DIAPH3: variants seen among roughly 807,000 people sequenced by gnomAD.
DIAPH3 encodes protein diaphanous homolog 3.
A neutral mutation model predicts 144.3 loss-of-function variants in DIAPH3; 117 were observed. That is an observed-to-expected ratio of 0.81 (90% CI 0.70 to 0.95). The LOEUF (loss-of-function observed/expected upper bound fraction) is 0.95, where lower values mean the gene tolerates loss of function less well. DIAPH3 is among the 40% of genes least tolerant of loss of function. The pLI, the probability that DIAPH3 is intolerant of heterozygous loss-of-function variation, is 0.00. For synonymous variants in DIAPH3, 519 were observed against 488.9 expected, an observed-to-expected ratio of 1.06 and a Z score of -0.81; for missense variants, 1,421 against 1,412.7, an observed-to-expected ratio of 1.01 and a Z score of -0.09.
At chr13:59,852,245 G>A (rs1035098673) in intron 22 of DIAPH3, among the ~76,000 whole-genome samples, 2 of 152,082 alleles carry the variant, frequency 1.3e-5, no homozygotes, top group East Asian at 3.9e-4. Context: ...GAGAAAGGAC[G>A]ATTACCCAAT....
chr13:59,757,388 C>A (rs2037334147), intron 27 of DIAPH3, among the ~76,000 whole-genome samples: 2 of 140,206 alleles, frequency 1.4e-5, no homozygotes, highest in Non-Finnish European at 1.5e-5. Context: ...TATTATGGGT[C>A]ATCCTTTTTT....
chr13:59,926,115 A>G (rs993048879), intron 17 of DIAPH3, among the ~76,000 whole-genome samples: 11 of 151,598 alleles, frequency 7.3e-5, no homozygotes, highest in African/African-American at 2.4e-4. Flanking sequence ...CCTCCCGTGT[A>G]ACTGGGACTA....
At chr13:60,010,807 C>G in intron 7 of DIAPH3, 138 bp from the exon 8 acceptor site, 2 of 874,132 alleles carry the variant, frequency 2.3e-6, no homozygotes, top group Non-Finnish European at 3.4e-6. Context: ...GACTGTGTAA[C>G]ACTCTAAAAA....
At chr13:59,780,165 G>T (rs1466125921) in intron 25 of DIAPH3, among the ~76,000 whole-genome samples, 1 of 151,726 alleles carries the variant, frequency 6.6e-6, no homozygotes, top group Non-Finnish European at 1.5e-5. Flanking sequence ...AGATACCTAG[G>T]CCCCAAAGGT....
intron 27 of DIAPH3, among the ~76,000 whole-genome samples, chr13:59,745,050 C>T (rs2036635529): frequency 6.6e-6 from 1 of 152,132 alleles, no homozygotes; most frequent in Non-Finnish European, 1.5e-5. Context: ...AAGAAGGTTT[C>T]TTGCTATAGT....
chr13:59,712,022 C>T (rs2034773830), intron 27 of DIAPH3, among the ~76,000 whole-genome samples: 1 of 152,068 alleles, frequency 6.6e-6, no homozygotes, highest in South Asian at 2.1e-4. Context: ...GACAATAAAA[C>T]ACAAAGAGAA....
intron 1 of DIAPH3, among the ~76,000 whole-genome samples, chr13:60,146,225 G>A (rs1488043559): frequency 6.6e-6 from 1 of 152,146 alleles, no homozygotes; most frequent in Non-Finnish European, 1.5e-5. Flanking sequence ...TAACCAAACA[G>A]GATATAGTTA....
chr13:59,985,556 T>C (rs2051343727), intron 12 of DIAPH3, among the ~76,000 whole-genome samples: 1 of 65,756 alleles, frequency 1.5e-5, no homozygotes, highest in Non-Finnish European at 3.1e-5. Flanking sequence ...GACGACATGA[T>C]TGTTTATCTA....
At chr13:60,147,488 G>C (rs141701666) in intron 1 of DIAPH3, 2 of 152,290 alleles carry the variant, frequency 1.3e-5, no homozygotes, top group Non-Finnish European at 2.9e-5. Flanking sequence ...AGTACAGTGA[G>C]ATTAGTGCTA....
Position 60,093,747 on chromosome 13 carries a change from T to C in DIAPH3, c.391-15A>G. Reference sequence around the variant, plus strand: ...TTCATATCTTCCTGGAAAACACAATTAAAATGCCTCATTTTAGAATCTAAG... The same window carrying C: ...TTCATATCTTCCTGGAAAACACAATCAAAATGCCTCATTTTAGAATCTAAG... On this transcript the variant is annotated splice_polypyrimidine_tract_variant and intron_variant, in intron 3 of 27. Transcript: ENST00000400324. The C allele has an allele frequency of 6.5e-7, 1 of 1,539,936 alleles. No homozygotes were observed. Among genetic ancestry groups the C allele is most frequent in the South Asian group, 1.1e-5 (1 of 89,462 alleles).
At chr13:59,669,478 C>T (rs1217592150) in intron 27 of DIAPH3, among the ~76,000 whole-genome samples, 1 of 152,196 alleles carries the variant, frequency 6.6e-6, no homozygotes, top group Non-Finnish European at 1.5e-5. Flanking sequence ...CACCTATTAT[C>T]TGCCTACTGC....
At chr13:59,748,971 T>C (rs2036841363) in intron 27 of DIAPH3, among the ~76,000 whole-genome samples, 1 of 151,962 alleles carries the variant, frequency 6.6e-6, no homozygotes, top group Non-Finnish European at 1.5e-5. Context: ...CCCAGCACTT[T>C]AGGAGGCCGA....
intron 3 of DIAPH3, 151 bp downstream of exon 3, chr13:60,111,859 C>G (rs2058578012): frequency 1.3e-6 from 1 of 767,524 alleles, no homozygotes; most frequent in Non-Finnish European, 2.1e-6. Context: ...TTTTTGTAAT[C>G]CAAAAACTCT....
At chr13:60,048,908 A>T (rs930307152) in intron 4 of DIAPH3, among the ~76,000 whole-genome samples, 62 of 151,696 alleles carry the variant, frequency 4.1e-4, no homozygotes, top group African/African-American at 1.4e-3. Context: ...TTTAAGTTAA[A>T]TATACATTGC....
chr13:59,964,240 G>A (rs2049927099), intron 17 of DIAPH3, among the ~76,000 whole-genome samples: 1 of 152,008 alleles, frequency 6.6e-6, no homozygotes, highest in Non-Finnish European at 1.5e-5. Context: ...ATATGGAAAA[G>A]CAACAGTATC....
intron 22 of DIAPH3, among the ~76,000 whole-genome samples, chr13:59,855,579 TG>T (rs2043210228): frequency 6.6e-6 from 1 of 151,984 alleles, no homozygotes; most frequent in Admixed American, 6.6e-5. Flanking sequence ...ACTTACTAGA[TG>T]ACTGCAGATA....
chr13:59,678,976 C>T (rs1416188575), intron 27 of DIAPH3, among the ~76,000 whole-genome samples: 6 of 152,134 alleles, frequency 3.9e-5, no homozygotes, highest in African/African-American at 1.4e-4. Flanking sequence ...ATTTCTATAA[C>T]TAGCATATTT....
chr13:60,078,458 C>T (rs2057447548), intron 4 of DIAPH3, among the ~76,000 whole-genome samples: 1 of 152,046 alleles, frequency 6.6e-6, no homozygotes. Flanking sequence ...ATGGTTACTG[C>T]ATGTTTGCAC....
rs766496513 is a variant in DIAPH3 at position 59,924,879 on chromosome 13, C to T, written c.2075-9G>A. 1.3e-6 allele frequency: 2 copies of T among 1,596,532 alleles called. No individual in the cohort carries two copies. The highest frequency in any genetic ancestry group is 1.1e-5 in the South Asian group (1 of 90,576). On this transcript the variant is annotated splice_polypyrimidine_tract_variant and intron_variant, in intron 17 of 27. Coordinates refer to ENST00000400324, the MANE Select transcript of DIAPH3 (RefSeq NM_001042517.2). ...TTCCTCTTCTCTTCTCTCTGTAAAA[C>T]CAAGATAGATCCATGTTAGGGGCAG...
Sources: gnomAD v4.1 joint callset for allele counts (sites outside exome capture counted in the v4.1 genomes callset) on GRCh38, gnomAD v4.1.1 for gene constraint, MANE v1.5 for transcripts, NCBI Gene and HGNC (gene_info 2026-07-23, HGNC 2026-07-21) for gene names.